GALNT2: variants seen among roughly 807,000 people sequenced by gnomAD.
The protein encoded by GALNT2 is UDP-GalNAc:polypeptide N-acetylgalactosaminyltransferase 2.
GALNT2 carries 31 observed loss-of-function variants against 81.4 expected under a neutral mutation model. The observed-to-expected ratio is 0.38, with a 90% CI of 0.29 to 0.51. GALNT2 has a LOEUF of 0.51. Among genes scored for constraint, GALNT2 ranks in the 20% least tolerant of loss-of-function variants. GALNT2 has a pLI of 0.87. For missense variants in GALNT2, 629 were observed against 765.7 expected (o/e 0.82, Z 2.11); for synonymous variants, 303 against 287.4 (o/e 1.05, Z -0.55).
chr1:230,207,153 G>C (rs905253313), intron 3 of GALNT2, among the ~76,000 whole-genome samples: 1 of 152,090 alleles, frequency 6.6e-6, no homozygotes, highest in Admixed American at 6.6e-5. Flanking sequence ...TGCTGAGTGA[G>C]TGAATTGTTT....
chr1:230,060,229 A>G (rs574706758), intron 1 of GALNT2, among the ~76,000 whole-genome samples: 1 of 152,150 alleles, frequency 6.6e-6, no homozygotes, highest in African/African-American at 2.4e-5. Flanking sequence ...ATTTATTCAC[A>G]TCCTTGGCCA....
At chr1:230,242,391 A>G (rs1339544770) in intron 6 of GALNT2, among the ~76,000 whole-genome samples, 2 of 152,170 alleles carry the variant, frequency 1.3e-5, no homozygotes, top group African/African-American at 4.8e-5. Flanking sequence ...ACCCATTTTG[A>G]CTGTGGAAAA....
chr1:230,135,522 G>C (rs1248144011), intron 1 of GALNT2, among the ~76,000 whole-genome samples: 1 of 152,222 alleles, frequency 6.6e-6, no homozygotes, highest in African/African-American at 2.4e-5. Context: ...TCAGGTTTCT[G>C]TGTGGAAATC....
chr1:230,116,005 G>GCA (rs1413018460), intron 1 of GALNT2, among the ~76,000 whole-genome samples: 1 of 152,174 alleles, frequency 6.6e-6, no homozygotes, highest in Non-Finnish European at 1.5e-5. Flanking sequence ...CACCACAACT[G>GCA]CAGTTCCTTC....
chr1:230,147,516 C>T (rs905432763), intron 1 of GALNT2, among the ~76,000 whole-genome samples: 3 of 152,224 alleles, frequency 2.0e-5, no homozygotes, highest in Admixed American at 6.5e-5. Flanking sequence ...CCTGCTCTGC[C>T]GTGTGCCTGG....
At chr1:230,220,843 A>G (rs1192205032) in intron 3 of GALNT2, among the ~76,000 whole-genome samples, 2 of 152,248 alleles carry the variant, frequency 1.3e-5, no homozygotes, top group African/African-American at 4.8e-5. Context: ...TTGGCCAAAT[A>G]TTAGCTAAAA....
intron 11 of GALNT2, among the ~76,000 whole-genome samples, chr1:230,255,974 G>A (rs543203550): frequency 6.6e-6 from 1 of 152,154 alleles, no homozygotes; most frequent in Non-Finnish European, 1.5e-5. Flanking sequence ...CAAGATCAAG[G>A]TGCTGGTGTC....
rs1481191213 is a variant in GALNT2, at chr1:230,236,098, C to T, written c.459C>T (p.Leu153=). The T allele has an allele frequency of 1.2e-6, 2 of 1,613,840 alleles. No individual in the cohort carries two copies. Among genetic ancestry groups the T allele is most frequent in the African/African-American group, 2.7e-5 (2 of 74,902 alleles). The change falls in exon 4 of 16, where the codon CTC becomes CTT. Residue 153 remains leucine, a synonymous_variant. Coordinates refer to ENST00000366672, the MANE Select transcript of GALNT2 (RefSeq NM_004481.5). Reference sequence around the variant, plus strand: ...ACAATGAAGCCAGGTCGGCCCTACTCAGGACCGTGGTCAGGTGAGGCCAGG... The same window carrying T: ...ACAATGAAGCCAGGTCGGCCCTACTTAGGACCGTGGTCAGGTGAGGCCAGG... ...TFHNEARSAL[L]RTVVSVLKKS...
chr1:230,180,491 A>G (rs932897293), intron 2 of GALNT2, among the ~76,000 whole-genome samples: 1 of 151,978 alleles, frequency 6.6e-6, no homozygotes, highest in South Asian at 2.1e-4. Context: ...TTTTGCCACT[A>G]CCACACTGCC....
At chr1:230,090,340 C>T (rs1039618876) in intron 1 of GALNT2, among the ~76,000 whole-genome samples, 2 of 152,168 alleles carry the variant, frequency 1.3e-5, no homozygotes, top group African/African-American at 4.8e-5. Context: ...GGAAAATAAA[C>T]ATAACCGTGT....
At chr1:230,105,896 A>G (rs1660530163) in intron 1 of GALNT2, among the ~76,000 whole-genome samples, 1 of 152,062 alleles carries the variant, frequency 6.6e-6, no homozygotes, top group Non-Finnish European at 1.5e-5. Context: ...CCAGCGCTGT[A>G]TCTGCCAGTC....
chr1:230,174,821 C>G (rs1220623195), intron 1 of GALNT2, among the ~76,000 whole-genome samples: 3 of 152,190 alleles, frequency 2.0e-5, no homozygotes, highest in Non-Finnish European at 4.4e-5. Flanking sequence ...GCTTCCGTGC[C>G]CTCCTGTTTT....
intron 3 of GALNT2, among the ~76,000 whole-genome samples, chr1:230,212,615 C>T (rs1034001522): frequency 2.0e-5 from 3 of 152,056 alleles, no homozygotes; most frequent in African/African-American, 4.8e-5. Context: ...GCGAGATATA[C>T]GAGATGTGGG....
chr1:230,184,010 T>C (rs912023196), intron 2 of GALNT2, among the ~76,000 whole-genome samples: 1 of 151,980 alleles, frequency 6.6e-6, no homozygotes, highest in Non-Finnish European at 1.5e-5. Context: ...TATTTTACCT[T>C]CACTTATTCC....
At chr1:230,084,765 T>G (rs1186526663) in intron 1 of GALNT2, among the ~76,000 whole-genome samples, 1 of 152,186 alleles carries the variant, frequency 6.6e-6, no homozygotes, top group African/African-American at 2.4e-5. Flanking sequence ...TTTTGCCCTT[T>G]TCTGCTGGGA....
At chr1:230,216,276 T>C (rs1439914020) in intron 3 of GALNT2, among the ~76,000 whole-genome samples, 1 of 152,254 alleles carries the variant, frequency 6.6e-6, no homozygotes, top group Non-Finnish European at 1.5e-5. Flanking sequence ...GTCAAAATAC[T>C]GTAAAATTTA....
chr1:230,177,016 A>T (rs1423750650), intron 1 of GALNT2, among the ~76,000 whole-genome samples: 2 of 152,218 alleles, frequency 1.3e-5, no homozygotes, highest in African/African-American at 2.4e-5. Context: ...GTATCGCCTC[A>T]TTAGAGAAGC....
chr1:230,175,294 C>G (rs998520908), intron 1 of GALNT2, among the ~76,000 whole-genome samples: 2 of 152,180 alleles, frequency 1.3e-5, no homozygotes, highest in African/African-American at 2.4e-5. Flanking sequence ...AGGGAGGAAG[C>G]TATCTTATCT....
intron 11 of GALNT2, among the ~76,000 whole-genome samples, chr1:230,258,304 A>G (rs1270513760): frequency 6.6e-6 from 1 of 151,516 alleles, no homozygotes; most frequent in Admixed American, 6.6e-5. Flanking sequence ...ATCTCAGCTC[A>G]CCACAACCTC....
Sources: gnomAD v4.1 joint callset for allele counts (sites outside exome capture counted in the v4.1 genomes callset) on GRCh38, gnomAD v4.1.1 for gene constraint, MANE v1.5 for transcripts, NCBI Gene and HGNC (gene_info 2026-07-23, HGNC 2026-07-21) for gene names.